The following CTNNAL1 variants were observed in gnomAD, a reference collection of about 807,000 sequenced individuals.
CTNNAL1 encodes alpha-catulin.
In CTNNAL1, 69 loss-of-function variants were observed where a neutral mutation model predicts 93.6. The observed-to-expected ratio is 0.74, with a 90% CI of 0.61 to 0.90. The LOEUF (loss-of-function observed/expected upper bound fraction) is 0.90. CTNNAL1 is among the 40% of genes least tolerant of loss of function. The probability of loss-of-function intolerance (pLI) is 0.00; values close to 1 mark genes in which losing one functional copy is unlikely to be tolerated. For missense variants in CTNNAL1, 836 were observed against 862.0 expected, an observed-to-expected ratio of 0.97 and a Z score of 0.38; for synonymous variants, 286 against 305.4, an observed-to-expected ratio of 0.94 and a Z score of 0.66.
intron 6 of CTNNAL1, among the ~76,000 whole-genome samples, chr9:108,982,843 C>G (rs768133470): frequency 1.5e-4 from 23 of 152,104 alleles, no homozygotes; most frequent in Middle Eastern, 3.2e-3. Context: ...TTTGGGAGGC[C>G]CAGGCGGGTA....
intron 11 of CTNNAL1, among the ~76,000 whole-genome samples, 163 bp downstream of exon 11, chr9:108,965,215 T>A (rs1425499953): frequency 2.0e-5 from 3 of 152,180 alleles, no homozygotes; most frequent in Non-Finnish European, 4.4e-5. Flanking sequence ...TAAAGGAGGA[T>A]AAAATAATAT....
chr9:108,977,478 A>G (rs1314608561), intron 7 of CTNNAL1: 2 of 152,470 alleles, frequency 1.3e-5, no homozygotes, highest in Admixed American at 1.3e-4. Flanking sequence ...AGGCTTTCTC[A>G]GATCACTCAA....
intron 12 of CTNNAL1, among the ~76,000 whole-genome samples, chr9:108,954,210 G>A (rs1034252985): frequency 1.3e-5 from 2 of 152,022 alleles, no homozygotes; most frequent in East Asian, 1.9e-4. Context: ...AGATTCATTC[G>A]TTTCAGTTAT....
intron 1 of CTNNAL1, among the ~76,000 whole-genome samples, chr9:109,011,744 T>C (rs1827208282): frequency 6.6e-6 from 1 of 152,218 alleles, no homozygotes; most frequent in African/African-American, 2.4e-5. Context: ...TTATTTAACC[T>C]CAGTATTCCT....
intron 8 of CTNNAL1, 31 bp from the exon 9 acceptor site, chr9:108,972,864 G>GGGGGAGA: frequency 2.8e-5 from 4 of 142,590 alleles, no homozygotes; most frequent in South Asian, 1.2e-4. Flanking sequence ...GGGGGGGTGG[G>GGGGGAGA]AGGGTGGAGA....
intron 14 of CTNNAL1, among the ~76,000 whole-genome samples, chr9:108,951,305 ATGCCCGGCAGGGGG>A (rs375744549): frequency 4.6e-5 from 7 of 151,554 alleles, no homozygotes; most frequent in African/African-American, 1.7e-4. Flanking sequence ...GTGAGCCACC[ATGCCCGGCAGGGGG>A]TGCTATTTAT....
intron 6 of CTNNAL1, among the ~76,000 whole-genome samples, chr9:108,982,419 A>G (rs1195040473): frequency 2.0e-5 from 3 of 152,234 alleles, no homozygotes; most frequent in African/African-American, 7.2e-5. Context: ...TACTATTACT[A>G]TAGTCTCAAA....
intron 6 of CTNNAL1, among the ~76,000 whole-genome samples, chr9:108,979,978 C>G (rs1303036893): frequency 6.6e-6 from 1 of 152,220 alleles, no homozygotes; most frequent in Non-Finnish European, 1.5e-5. Flanking sequence ...AGTCACCTAA[C>G]TGGTCTCCCT....
chr9:108,973,996 CCTTAGAGAATAT>C (rs954588846), intron 8 of CTNNAL1, among the ~76,000 whole-genome samples: 104 of 152,290 alleles, frequency 6.8e-4, no homozygotes, highest in African/African-American at 2.4e-3. Context: ...ACCAGCAGGA[CCTTAGAGAATAT>C]CTAATGCCAG....
intron 8 of CTNNAL1, among the ~76,000 whole-genome samples, chr9:108,975,883 A>G (rs1427950181): frequency 6.6e-6 from 1 of 152,196 alleles, no homozygotes; most frequent in African/African-American, 2.4e-5. Context: ...CACCTGACTT[A>G]AAGTGACCAT....
chr9:108,955,714 G>T, intron 12 of CTNNAL1, 76 bp downstream of exon 12: 1 of 1,241,612 alleles, frequency 8.1e-7, no homozygotes, highest in African/African-American at 1.5e-5. Flanking sequence ...GTAGAGGGGA[G>T]CAGCAACAGG....
chr9:108,994,683 T>A (rs1463853005), intron 2 of CTNNAL1, among the ~76,000 whole-genome samples: 5 of 152,162 alleles, frequency 3.3e-5, no homozygotes, highest in African/African-American at 1.2e-4. Flanking sequence ...TCGCTCCCCA[T>A]GATCCCCACC....
chr9:108,985,670 A>C (rs545005042), intron 4 of CTNNAL1, among the ~76,000 whole-genome samples: 1 of 152,314 alleles, frequency 6.6e-6, no homozygotes, highest in South Asian at 2.1e-4. Flanking sequence ...ATCATCCATC[A>C]TGGGTACCTA....
intron 15 of CTNNAL1, among the ~76,000 whole-genome samples, chr9:108,947,374 A>G (rs2132082791): frequency 6.6e-6 from 1 of 152,252 alleles, no homozygotes; most frequent in Non-Finnish European, 1.5e-5. Context: ...TGGCCTCCCA[A>G]AGTGCTGGGA....
chr9:108,986,846 A>C (rs1831624897), intron 4 of CTNNAL1, among the ~76,000 whole-genome samples: 1 of 152,136 alleles, frequency 6.6e-6, no homozygotes, highest in African/African-American at 2.4e-5. Flanking sequence ...GTGTCTGTTC[A>C]TATCCTTTGC....
intron 2 of CTNNAL1, among the ~76,000 whole-genome samples, chr9:108,998,169 G>A (rs1196322639): frequency 6.6e-6 from 1 of 152,060 alleles, no homozygotes; most frequent in Admixed American, 6.6e-5. Context: ...CGGGACATTT[G>A]GCAATGTCTA....
chr9:108,961,094 T>C (rs1830810394), intron 11 of CTNNAL1, among the ~76,000 whole-genome samples: 2 of 152,190 alleles, frequency 1.3e-5, no homozygotes, highest in Non-Finnish European at 2.9e-5. Context: ...TGCCTGGTAG[T>C]TTGCCAATCA....
At chr9:108,991,617 C>A (rs927170347) in intron 3 of CTNNAL1, among the ~76,000 whole-genome samples, 1 of 152,120 alleles carries the variant, frequency 6.6e-6, no homozygotes, top group African/African-American at 2.4e-5. Context: ...TTAATCTGCC[C>A]TGGCAGCTCA....
At position 108,999,128 on chromosome 9, in the gene CTNNAL1, G is replaced by A; in HGVS notation, c.270C>T (p.Ala90=). 6.2e-7 allele frequency: 1 copy of A among 1,613,124 alleles called. No individual in the cohort carries two copies. Among genetic ancestry groups the A allele is most frequent in the Non-Finnish European group, 8.5e-7 (1 of 1,179,652 alleles). Residue 90 remains alanine, a synonymous_variant, in exon 2 of 19, where the codon GCC becomes GCT. Coordinates refer to ENST00000325551, the MANE Select transcript of CTNNAL1 (RefSeq NM_003798.4). ...CTTCTTTCAAATCCCAGTTTTCATT[G>A]GCTATAGCTTCTCCTACTTTAACAA... ...GRFVKVGEAI[A]NENWDLKEEI...
Sources: allele counts gnomAD v4.1 joint callset (sites outside exome capture counted in the v4.1 genomes callset), GRCh38; gene constraint gnomAD v4.1.1; transcripts MANE v1.5; gene names NCBI Gene and HGNC (gene_info 2026-07-23, HGNC 2026-07-21).